The following AP1G1 variants were observed in gnomAD, a reference collection of about 807,000 sequenced individuals.
AP1G1 encodes the protein AP-1 complex subunit gamma-1.
In AP1G1, 7 loss-of-function variants were observed where a neutral mutation model predicts 108.3. The observed-to-expected ratio is 0.06, with a 90% confidence interval of 0.04 to 0.12. The LOEUF (loss-of-function observed/expected upper bound fraction) is 0.12. Among genes scored for constraint, AP1G1 ranks in the 10% least tolerant of loss-of-function variants. The probability of loss-of-function intolerance (pLI) is 1.00; values close to 1 mark genes in which losing one functional copy is unlikely to be tolerated. For synonymous variants in AP1G1, 379 were observed against 353.5 expected (o/e 1.07, Z -0.81); for missense variants, 756 against 1,010.7 (o/e 0.75, Z 3.42).
At chr16:71,766,768 C>T (rs745690734) in intron 6 of AP1G1, among the ~76,000 whole-genome samples, 2 of 152,096 alleles carry the variant, frequency 1.3e-5, no homozygotes, top group Non-Finnish European at 2.9e-5. Context: ...ACATTAAGGC[C>T]ACTTATAAAC....
intron 19 of AP1G1, chr16:71,743,600 C>G (rs1567641627): frequency 9.0e-6 from 1 of 111,232 alleles, no homozygotes; most frequent in East Asian, 4.9e-4. Flanking sequence ...GAGACTCTGT[C>G]TCAAAAAAAA....
At chr16:71,791,856 G>A (rs899745964) in intron 1 of AP1G1, among the ~76,000 whole-genome samples, 51 of 150,952 alleles carry the variant, frequency 3.4e-4, no homozygotes, top group African/African-American at 1.1e-3. Flanking sequence ...CCACCTCCTG[G>A]GTTCAAGCAC....
At position 71,729,607 on chromosome 16, in the gene AP1G1, T is replaced by G. The variant is rs766154858; in HGVS notation, c.*3451A>C. ...TCACTGATATTGCTTGAAAAAGTTA[T>G]TCACTTCCAGTTCTACAAGCAGCCC... On this transcript the variant is annotated 3_prime_UTR_variant, in exon 23 of 23. Transcript: ENST00000299980. The G allele has an allele frequency of 6.6e-6, 1 of 152,564 alleles. No individual in the cohort carries two copies. The highest frequency in any genetic ancestry group is 2.1e-4 in the South Asian group (1 of 4,818). The allele number at this position is 152,564 out of a possible 1,614,324, so 9.5% of individuals were successfully genotyped here.
intron 9 of AP1G1, among the ~76,000 whole-genome samples, chr16:71,764,121 T>C (rs186885476): frequency 9.2e-5 from 14 of 152,292 alleles, no homozygotes; most frequent in Admixed American, 2.0e-4. Context: ...AAGACAAATA[T>C]ATCTACTATA....
chr16:71,793,584 C>A (rs2032478838), intron 1 of AP1G1, among the ~76,000 whole-genome samples: 1 of 152,200 alleles, frequency 6.6e-6, no homozygotes, highest in African/African-American at 2.4e-5. Context: ...TTAAAACAGT[C>A]TGGAGCTACT....
At position 71,771,142 on chromosome 16, in the gene AP1G1, C is replaced by T; in HGVS notation, c.565+14G>A. 6.6e-7 allele frequency: 1 copy of T among 1,510,600 alleles called. No homozygotes were observed. Among genetic ancestry groups the T allele is most frequent in the South Asian group, 1.1e-5 (1 of 88,308 alleles). 93.6% of individuals were successfully genotyped at this position (1,510,600 alleles called of 1,614,324 possible). A position where few individuals can be genotyped will look rare whatever the true frequency, so the allele number is the denominator to read the frequency against. ...CTCCCTCAATACTTCATGAATACAT[C>T]CAAATTACATTACCATGGTTCTTCT... On this transcript the variant is annotated intron_variant, in intron 5 of 22. Coordinates refer to ENST00000299980, the MANE Select transcript of AP1G1 (RefSeq NM_001128.6).
At chr16:71,768,917 CAAAAAAAAAAAAAA>C (rs58725744) in intron 6 of AP1G1, among the ~76,000 whole-genome samples, 8 of 42,188 alleles carry the variant, frequency 1.9e-4, no homozygotes, top group Non-Finnish European at 3.1e-4. Flanking sequence ...GACTCTGTCT[CAAAAAAAAAAAAAA>C]AAAAAAAAAG....
chr16:71,762,818 C>G (rs576671830), intron 9 of AP1G1, among the ~76,000 whole-genome samples: 121 of 151,634 alleles, frequency 8.0e-4, no homozygotes, highest in Non-Finnish European at 1.5e-3. Flanking sequence ...CTAACCAAAA[C>G]TGAGGAGGGG....
chr16:71,766,497 CTTT>C, intron 6 of AP1G1: 1 of 449,740 alleles, frequency 2.2e-6, no homozygotes, highest in Non-Finnish European at 4.6e-6. Flanking sequence ...ACAATAGGAA[CTTT>C]TTATGTTTCC....
chr16:71,764,590 T>C, intron 8 of AP1G1, 56 bp downstream of exon 8: 2 of 1,400,470 alleles, frequency 1.4e-6, no homozygotes, highest in African/African-American at 1.5e-5. Flanking sequence ...ACCATAATCA[T>C]TCTACTCCCA....
chr16:71,760,545 CAA>C (rs1160425772), intron 10 of AP1G1, among the ~76,000 whole-genome samples: 28 of 95,160 alleles, frequency 2.9e-4, no homozygotes, highest in Admixed American at 8.1e-4. Context: ...AACTCCATCT[CAA>C]AAAAAAAAAA....
chr16:71,761,628 G>T, intron 9 of AP1G1, 61 bp from the exon 10 acceptor site: 1 of 1,264,090 alleles, frequency 7.9e-7, no homozygotes, highest in Non-Finnish European at 1.1e-6. Flanking sequence ...TGTTTCCTGA[G>T]TTTAAAGGAT....
intron 1 of AP1G1, 146 bp downstream of exon 1, chr16:71,808,617 C>G: frequency 7.8e-7 from 1 of 1,289,704 alleles, no homozygotes; most frequent in African/African-American, 1.5e-5. Flanking sequence ...CCGGCCTCTC[C>G]TGGCCCAGCT....
intron 2 of AP1G1, among the ~76,000 whole-genome samples, chr16:71,777,270 G>C (rs1403618439): frequency 1.3e-5 from 2 of 151,512 alleles, no homozygotes; most frequent in Admixed American, 6.6e-5. Context: ...CAGGACATGA[G>C]GCTAGGGGAT....
At chr16:71,754,827 G>A (rs989997535) in intron 12 of AP1G1, among the ~76,000 whole-genome samples, 3 of 151,780 alleles carry the variant, frequency 2.0e-5, no homozygotes, top group Non-Finnish European at 4.4e-5. Flanking sequence ...AAAAAAGAGG[G>A]TACATAGTCA....
intron 1 of AP1G1, among the ~76,000 whole-genome samples, chr16:71,791,134 T>C (rs1486567742): frequency 1.3e-5 from 2 of 151,292 alleles, no homozygotes; most frequent in Admixed American, 6.6e-5. Context: ...GGGAGGAGGA[T>C]TGCTTGAGCC....
intron 4 of AP1G1, 69 bp downstream of exon 4, chr16:71,773,152 G>T: frequency 2.6e-6 from 4 of 1,541,898 alleles, no homozygotes; most frequent in Non-Finnish European, 3.6e-6. Context: ...TTTCAAAAAT[G>T]AGTAATCTGC....
intron 1 of AP1G1, among the ~76,000 whole-genome samples, chr16:71,793,676 TTTG>T (rs1465355119): frequency 6.6e-6 from 1 of 152,120 alleles, no homozygotes; most frequent in African/African-American, 2.4e-5. Flanking sequence ...CAATATAGTT[TTTG>T]TTGTTGTTTT....
At position 71,732,982 on chromosome 16, in the gene AP1G1, C is replaced by T. The variant is rs1175108649; in HGVS notation, c.*76G>A. On this transcript the variant is annotated 3_prime_UTR_variant, in exon 23 of 23. Coordinates refer to ENST00000299980, the MANE Select transcript of AP1G1 (RefSeq NM_001128.6). ...ATGCCCGTGGTACAGTTGGGGGGGA[C>T]TTGCCAGCAATCACAACCTCCTTCC... 3 of 1,216,458 alleles carry T rather than the reference C, an allele frequency of 2.5e-6. No homozygotes were observed. The highest frequency in any genetic ancestry group is 1.3e-5 in the South Asian group (1 of 75,250). 75.4% of individuals were successfully genotyped at this position (1,216,458 alleles called of 1,614,324 possible).
Sources: allele counts gnomAD v4.1 joint callset (sites outside exome capture counted in the v4.1 genomes callset), GRCh38; gene constraint gnomAD v4.1.1; transcripts MANE v1.5; gene names NCBI Gene and HGNC (gene_info 2026-07-23, HGNC 2026-07-21).